Variants in MARVELD3 observed in about 807,000 individuals in gnomAD.
The protein encoded by MARVELD3 is MARVEL domain containing 3, also known as MARVEL domain-containing protein 3.
Under a neutral mutation model 33.5 loss-of-function variants are expected in MARVELD3, and 28 were observed. The ratio of observed to expected loss-of-function variants is 0.84; its 90% CI spans 0.62 to 1.15. The LOEUF (loss-of-function observed/expected upper bound fraction) is 1.15. MARVELD3 is among the 50% of genes most tolerant of loss of function. MARVELD3 has a pLI of 0.00. For synonymous variants in MARVELD3, 241 were observed against 230.4 expected (o/e 1.05, Z -0.42); for missense variants, 582 against 547.6 (o/e 1.06, Z -0.63).
chr16:71,626,642 C>T lies in MARVELD3; in HGVS notation c.413C>T (p.Pro138Leu), dbSNP rs201373593. The stretch of plus-strand genomic sequence containing the variant: ...CCTGGGCCCGCGCCCTGGGAAGCCC[C>T]GGAGCCGCCGCAGCCGCAGAGGAAG... ...APPGPAPWEAPEPPQPQRKGD... is the reference protein window; with the variant it reads ...APPGPAPWEALEPPQPQRKGD... The change falls in exon 1 of 3, where the codon CCG (proline) becomes CTG (leucine). Residue 138 changes from proline (P) to leucine (L), a missense_variant. Physicochemically the swap from Pro to Leu is moderately conservative, Grantham distance 98. Coordinates refer to ENST00000268485, the MANE Select transcript of MARVELD3 (RefSeq NM_052858.6). This position sits in a 1 kb window ranked among gnomAD's most constrained non-coding sequence, Gnocchi z 5.3. The T allele has an allele frequency of 2.6e-6, 4 of 1,534,836 alleles. No individual in the cohort carries two copies. Among genetic ancestry groups the T allele is most frequent in the Non-Finnish European group, 3.5e-6 (4 of 1,143,748 alleles).
intron 2 of MARVELD3, among the ~76,000 whole-genome samples, chr16:71,631,930 C>T (rs745606760): frequency 6.6e-6 from 1 of 152,136 alleles, no homozygotes; most frequent in African/African-American, 2.4e-5. Flanking sequence ...CAACTGGAAC[C>T]AGGCATTAAA....
rs1168480412 is a variant in MARVELD3 at position 71,635,793 on chromosome 16, ACTC to A, written c.*993_*995del. 4 of 985,198 alleles carry A rather than the reference ACTC, an allele frequency of 4.1e-6. No homozygotes were observed. Among genetic ancestry groups the A allele is most frequent in the East Asian group, 1.1e-4 (1 of 8,808 alleles). 61.0% of individuals were successfully genotyped at this position (985,198 alleles called of 1,614,324 possible). The stretch of plus-strand genomic sequence containing the variant: ...AGGGGGTGGGGACTCTTGGGAAACT[ACTC>A]CTGTAAAATTGAAGTTGGAGGTAGG... On this transcript the variant is annotated 3_prime_UTR_variant, in exon 3 of 3. Coordinates refer to ENST00000268485, the MANE Select transcript of MARVELD3 (RefSeq NM_052858.6).
Position 71,634,609 on chromosome 16 carries a change from A to G in MARVELD3, c.1012A>G (p.Lys338Glu), listed in dbSNP as rs774013249. 9.9e-6 allele frequency: 16 copies of G among 1,614,086 alleles called. No individual in the cohort carries two copies. In the Admixed American group the frequency reaches 2.5e-4, roughly 25 times the overall value. Residue 338 changes from lysine to glutamate, a missense_variant, in exon 3 of 3, where the codon AAA (lysine) becomes GAA (glutamate). Physicochemically the swap from Lys to Glu is moderately conservative, Grantham distance 56. Coordinates refer to ENST00000268485, the MANE Select transcript of MARVELD3 (RefSeq NM_052858.6). ...TGCTGCCTATGGCTCTCCTGTGTGT[A>G]AAGAGAGGCAGGCGCTGTACCAAAG... ...LSAAYGSPVC[K>E]ERQALYQSKG...
chr16:71,626,730 C>T lies in MARVELD3; in HGVS notation c.467+34C>T, dbSNP rs902711709. On this transcript the variant is annotated intron_variant, in intron 1 of 2. Coordinates refer to ENST00000268485, the MANE Select transcript of MARVELD3 (RefSeq NM_052858.6). The surrounding 1 kb of genome is among the most constrained non-coding windows in gnomAD (Gnocchi z 5.3). Reference sequence around the variant, plus strand: ...GGCCGGGGCGCTGCGACCTCCGCGCCGGGGACACCTGTGGCCCAGGCCGGC... The same window carrying T: ...GGCCGGGGCGCTGCGACCTCCGCGCTGGGGACACCTGTGGCCCAGGCCGGC... 1.2e-5 allele frequency: 17 copies of T among 1,421,094 alleles called. No individual in the cohort carries two copies. The highest frequency in any genetic ancestry group is 1.5e-5 in the African/African-American group (1 of 66,550). 88.0% of individuals were successfully genotyped at this position (1,421,094 alleles called of 1,614,324 possible).
intron 2 of MARVELD3, among the ~76,000 whole-genome samples, chr16:71,633,622 T>A (rs906411485): frequency 5.3e-5 from 8 of 151,844 alleles, no homozygotes; most frequent in Non-Finnish European, 1.2e-4. Context: ...CTCAAACTCC[T>A]GACCTCAAAT....
At chr16:71,628,515 T>A (rs1315539793) in intron 1 of MARVELD3, among the ~76,000 whole-genome samples, 2 of 147,264 alleles carry the variant, frequency 1.4e-5, no homozygotes, top group Non-Finnish European at 3.0e-5. Context: ...CCAGCCTGGG[T>A]GACAGAGTGA....
At chr16:71,632,301 A>G (rs577672437) in intron 2 of MARVELD3, among the ~76,000 whole-genome samples, 2 of 152,346 alleles carry the variant, frequency 1.3e-5, no homozygotes, top group Non-Finnish European at 2.9e-5. Context: ...GTCAAAACGC[A>G]TCAAGCTGTA....
Position 71,626,612 on chromosome 16 carries a change from C to A in MARVELD3, c.383C>A (p.Ala128Glu). The A allele has an allele frequency of 6.5e-7, 1 of 1,540,848 alleles. No homozygotes were observed. The highest frequency in any genetic ancestry group is 1.2e-5 in the South Asian group (1 of 83,908). Residue 128 changes from alanine (A) to glutamate (E), a missense_variant, in exon 1 of 3, where the codon GCG becomes GAG. Transcript: ENST00000268485. The surrounding 1 kb of genome is among the most constrained non-coding windows in gnomAD (Gnocchi z 5.3). The part of the protein sequence containing the change: ...GARGLTWDAA[A>E]PPGPAPWEAP... Reference sequence around the variant, plus strand: ...CGGGGACTGACCTGGGACGCAGCCGCGCCTCCTGGGCCCGCGCCCTGGGAA... The same window carrying A: ...CGGGGACTGACCTGGGACGCAGCCGAGCCTCCTGGGCCCGCGCCCTGGGAA...
At position 71,626,485 on chromosome 16, in the gene MARVELD3, G is replaced by C; in HGVS notation, c.256G>C (p.Asp86His). 6.5e-7 allele frequency: 1 copy of C among 1,549,654 alleles called. No individual in the cohort carries two copies. The change falls in exon 1 of 3, where the codon GAC becomes CAC. Residue 86 changes from aspartate to histidine, a missense_variant. Asp to His is a moderately conservative substitution (Grantham distance 81, BLOSUM62 -1). Transcript: ENST00000268485. This position sits in a 1 kb window ranked among gnomAD's most constrained non-coding sequence, Gnocchi z 5.3. ...ERERERERDP[D>H]RGPRRDTHRD... ...GGAGAGAGAGAGGGAAAGAGACCCG[G>C]ACCGAGGCCCCCGCCGGGACACACA... is the stretch of plus-strand genomic sequence containing the variant.
downstream of MARVELD3, chr16:71,639,300 A>T (rs1596978163): frequency 1.3e-5 from 2 of 151,198 alleles, no homozygotes; most frequent in African/African-American, 4.8e-5. Context: ...TGAACTCCTG[A>T]CCTCAGGTGA....
intron 1 of MARVELD3, among the ~76,000 whole-genome samples, chr16:71,627,093 C>T (rs2145270061): frequency 1.3e-5 from 2 of 152,328 alleles, no homozygotes; most frequent in Admixed American, 1.3e-4. Flanking sequence ...TCCCGTGTTC[C>T]AGAGCCAGCC....
downstream of MARVELD3, chr16:71,640,516 A>G: frequency 6.2e-7 from 1 of 1,613,886 alleles, no homozygotes; most frequent in Non-Finnish European, 8.5e-7. Context: ...AACAACTACT[A>G]CTCACCGTTC....
At chr16:71,640,533 A>T (rs751081585), downstream of MARVELD3, 2 of 1,614,164 alleles carry the variant, frequency 1.2e-6, no homozygotes, top group Non-Finnish European at 1.7e-6. Flanking sequence ...GTTCGAGGGC[A>T]CTGAGCTAGA....
rs987298053 is a variant in MARVELD3, at chr16:71,626,938, C to T, written c.467+242C>T. ...ACCACCCCTGTGAGCAGTGGCTGGG[C>T]TGGAGGACCTGGAGAAGAGAAAGAG... On this transcript the variant is annotated intron_variant, in intron 1 of 2. Coordinates refer to ENST00000268485, the MANE Select transcript of MARVELD3 (RefSeq NM_052858.6). The surrounding 1 kb of genome is among the most constrained non-coding windows in gnomAD (Gnocchi z 5.3). The T allele has an allele frequency of 4.6e-6, 2 of 430,562 alleles. No homozygotes were observed. The highest frequency in any genetic ancestry group is 2.1e-5 in the African/African-American group (1 of 48,118). 26.7% of individuals were successfully genotyped at this position (430,562 alleles called of 1,614,324 possible). A position where few individuals can be genotyped will look rare whatever the true frequency, so the allele number is the denominator to read the frequency against.
chr16:71,631,735 C>T (rs2044536165), intron 2 of MARVELD3, among the ~76,000 whole-genome samples: 1 of 152,094 alleles, frequency 6.6e-6, no homozygotes, highest in Non-Finnish European at 1.5e-5. Flanking sequence ...CATGAGCCAC[C>T]ACGCCTGGCC....
At chr16:71,629,999 T>G (rs1255091130) in intron 2 of MARVELD3, among the ~76,000 whole-genome samples, 4 of 151,676 alleles carry the variant, frequency 2.6e-5, no homozygotes, top group African/African-American at 9.7e-5. Context: ...CTCAGCACTT[T>G]GGAAGGCCCA....
chr16:71,626,328 AC>A lies in MARVELD3; in HGVS notation c.101del (p.Pro34ArgfsTer89). On this transcript the variant is annotated frameshift_variant, in exon 1 of 3. Transcript: ENST00000268485. LOFTEE classifies it high-confidence loss of function. This position sits in a 1 kb window ranked among gnomAD's most constrained non-coding sequence, Gnocchi z 5.3. ...HPDQGRTHDR[P>X]RDRPGDPRRK... ...CAGACCAAGGCCGCACCCACGATCG[AC>A]CGCGGGACCGACCCGGGGACCCGCG... The A allele has an allele frequency of 2.6e-6, 4 of 1,547,992 alleles. No homozygotes were observed. Among genetic ancestry groups the A allele is most frequent in the Non-Finnish European group, 3.5e-6 (4 of 1,146,642 alleles).
At chr16:71,631,825 C>T (rs2044537300) in intron 2 of MARVELD3, among the ~76,000 whole-genome samples, 1 of 152,174 alleles carries the variant, frequency 6.6e-6, no homozygotes, top group African/African-American at 2.4e-5. Flanking sequence ...ATGTTGTTTG[C>T]ATTCTGGGGG....
At chr16:71,640,462 T>C (rs1046374540), downstream of MARVELD3, 7 of 1,614,162 alleles carry the variant, frequency 4.3e-6, no homozygotes, top group Non-Finnish European at 5.9e-6. Flanking sequence ...TACTTTGTCC[T>C]TGCCGGATTC....
Sources: gnomAD v4.1 joint callset for allele counts (sites outside exome capture counted in the v4.1 genomes callset) on GRCh38, gnomAD v4.1.1 for gene constraint, Gnocchi (gnomAD v3.1) non-coding constraint, MANE v1.5 for transcripts, NCBI Gene and HGNC (gene_info 2026-07-23, HGNC 2026-07-21) for gene names.